NEO1: variants seen among roughly 807,000 people sequenced by gnomAD.
NEO1 encodes neogenin 1.
A neutral mutation model predicts 159.7 loss-of-function variants in NEO1; 63 were observed. That is an observed-to-expected ratio of 0.39 (90% CI 0.32 to 0.49). The LOEUF is 0.49. Ranked by LOEUF, NEO1 falls within the 20% of genes least tolerant of loss-of-function variation. The pLI is 0.85. For synonymous variants in NEO1, 633 were observed against 662.0 expected (o/e 0.96, Z 0.67); for missense variants, 1,615 against 1,831.0 (o/e 0.88, Z 2.15).
intron 15 of NEO1, among the ~76,000 whole-genome samples, chr15:73,261,840 T>A (rs1000481100): frequency 1.4e-4 from 22 of 152,160 alleles, no homozygotes; most frequent in Admixed American, 1.1e-3. Flanking sequence ...ACAATTTTTT[T>A]AAAGAATAAA....
chr15:73,086,644 A>G (rs569021330), intron 1 of NEO1, among the ~76,000 whole-genome samples: 240 of 147,002 alleles, frequency 1.6e-3, no homozygotes, highest in African/African-American at 5.7e-3. Flanking sequence ...GCTCACTGCA[A>G]CCTCTGCATC....
intron 1 of NEO1, among the ~76,000 whole-genome samples, chr15:73,105,623 C>T (rs1466724470): frequency 6.6e-6 from 1 of 152,156 alleles, no homozygotes; most frequent in East Asian, 1.9e-4. Context: ...TCATTAGTCT[C>T]ATTAGTTCAT....
At chr15:73,205,469 G>T (rs1191532929) in intron 7 of NEO1, among the ~76,000 whole-genome samples, 1 of 152,202 alleles carries the variant, frequency 6.6e-6, no homozygotes, top group African/African-American at 2.4e-5. Flanking sequence ...CCCCCTGCCA[G>T]AGACAGGAGG....
intron 6 of NEO1, 70 bp from the exon 7 acceptor site, chr15:73,178,237 T>A: frequency 7.0e-7 from 1 of 1,434,280 alleles, no homozygotes; most frequent in South Asian, 1.3e-5. Flanking sequence ...CCAAAAAGCA[T>A]ATTTTTGAGA....
At chr15:73,282,230 A>G (rs936921482) in intron 22 of NEO1, among the ~76,000 whole-genome samples, 3 of 152,194 alleles carry the variant, frequency 2.0e-5, no homozygotes, top group African/African-American at 7.2e-5. Context: ...GACACTCTGT[A>G]TCATAACCCC....
intron 1 of NEO1, among the ~76,000 whole-genome samples, chr15:73,103,313 G>T (rs2070501232): frequency 6.6e-6 from 1 of 152,104 alleles, no homozygotes; most frequent in Admixed American, 6.6e-5. Flanking sequence ...AAACTTATTA[G>T]CTTAATGTAT....
At chr15:73,205,668 C>A (rs1183001075) in intron 7 of NEO1, among the ~76,000 whole-genome samples, 1 of 152,204 alleles carries the variant, frequency 6.6e-6, no homozygotes, top group Non-Finnish European at 1.5e-5. Flanking sequence ...CCCATGGCTT[C>A]TGCTTCATGT....
chr15:73,201,583 T>G (rs1390301158), intron 7 of NEO1, among the ~76,000 whole-genome samples: 1 of 152,286 alleles, frequency 6.6e-6, no homozygotes, highest in South Asian at 2.1e-4. Flanking sequence ...TCAATTGATA[T>G]AGATGACTGT....
In NEO1 at chr15:73,203,844, A is replaced by G. The variant is rs556409773; in HGVS notation, c.1291+25417A>G. Among the ~76,000 whole-genome samples the G allele has an allele frequency of 4.6e-5, 7 of 152,222 alleles. No homozygotes were observed. The South Asian group carries it at 1.2e-3, about 27-fold the overall frequency. ...TATATTGTTACTACTATTGCTTTAA[A>G]CAAATCATTACCTTTTAGGTCAACT... On this transcript the variant is annotated intron_variant, in intron 7 of 28. Transcript: ENST00000261908.
intron 4 of NEO1, among the ~76,000 whole-genome samples, chr15:73,128,666 A>G (rs1204643228): frequency 6.6e-6 from 1 of 152,200 alleles, no homozygotes; most frequent in African/African-American, 2.4e-5. Context: ...AGTGCTATGA[A>G]GAAAAGACAA....
At chr15:73,139,261 C>G (rs556224354) in intron 5 of NEO1, among the ~76,000 whole-genome samples, 8 of 152,098 alleles carry the variant, frequency 5.3e-5, no homozygotes, top group East Asian at 3.9e-4. Flanking sequence ...TTGGTCTTTG[C>G]AAAGACCAAC....
At chr15:73,175,435 TTAAA>T (rs1411007036) in intron 5 of NEO1, among the ~76,000 whole-genome samples, 1 of 152,218 alleles carries the variant, frequency 6.6e-6, no homozygotes, top group East Asian at 1.9e-4. Context: ...GAAATCAGAC[TTAAA>T]TAGAGAGATA....
At chr15:73,191,648 A>C (rs755719087) in intron 7 of NEO1, among the ~76,000 whole-genome samples, 1 of 151,996 alleles carries the variant, frequency 6.6e-6, no homozygotes, top group Non-Finnish European at 1.5e-5. Context: ...CAAAATAGAC[A>C]ACAGAAATCC....
chr15:73,252,596 G>A (rs1035411362), intron 11 of NEO1, among the ~76,000 whole-genome samples: 17 of 152,314 alleles, frequency 1.1e-4, no homozygotes, highest in Admixed American at 6.5e-4. Context: ...ACTGATGTAT[G>A]TACATCTCAT....
intron 23 of NEO1, among the ~76,000 whole-genome samples, chr15:73,287,828 C>T (rs868554234): frequency 1.3e-5 from 2 of 151,616 alleles, no homozygotes; most frequent in African/African-American, 4.9e-5. Context: ...TGCAATGAGC[C>T]GATATCTCGC....
chr15:73,096,176 A>T (rs1425195774), intron 1 of NEO1, among the ~76,000 whole-genome samples: 4 of 152,224 alleles, frequency 2.6e-5, no homozygotes, highest in African/African-American at 9.6e-5. Context: ...CATCTTGTTC[A>T]TGTCCTAATT....
At chr15:73,082,703 A>G (rs150735431) in intron 1 of NEO1, among the ~76,000 whole-genome samples, 137 of 152,346 alleles carry the variant, frequency 9.0e-4, no homozygotes, top group African/African-American at 3.1e-3. Context: ...ATTAATACAT[A>G]TCAGTATTTT....
intron 2 of NEO1, among the ~76,000 whole-genome samples, chr15:73,118,912 A>G (rs909077830): frequency 1.3e-5 from 2 of 152,238 alleles, no homozygotes; most frequent in Non-Finnish European, 2.9e-5. Flanking sequence ...GTTATAGGCA[A>G]TACTATAGTG....
chr15:73,178,906 GACT>G (rs1251296260), intron 7 of NEO1, among the ~76,000 whole-genome samples: 1 of 152,048 alleles, frequency 6.6e-6, no homozygotes, highest in Non-Finnish European at 1.5e-5. Flanking sequence ...ATAAAACCCT[GACT>G]ACTATATATC....
Sources: gnomAD v4.1 joint callset for allele counts (sites outside exome capture counted in the v4.1 genomes callset) on GRCh38, gnomAD v4.1.1 for gene constraint, MANE v1.5 for transcripts, NCBI Gene and HGNC (gene_info 2026-07-23, HGNC 2026-07-21) for gene names.